The following KCNK2 variants were observed in gnomAD, a reference collection of about 807,000 sequenced individuals.
The protein encoded by KCNK2 is potassium two pore domain channel subfamily K member 2, also known as potassium channel subfamily K member 2.
A neutral mutation model predicts 40.5 loss-of-function variants in KCNK2; 21 were observed. The observed-to-expected ratio is 0.52, with a 90% confidence interval of 0.37 to 0.75. The LOEUF is 0.75. Ranked by LOEUF, KCNK2 falls within the 30% of genes least tolerant of loss-of-function variation. The probability of loss-of-function intolerance (pLI) is 0.00; values close to 1 mark genes in which losing one functional copy is unlikely to be tolerated. For missense variants in KCNK2, 399 were observed against 531.6 expected (o/e 0.75, Z 2.45); for synonymous variants, 191 against 202.2 (o/e 0.94, Z 0.47).
At chr1:215,151,277 A>G (rs781765298) in intron 3 of KCNK2, among the ~76,000 whole-genome samples, 2 of 152,122 alleles carry the variant, frequency 1.3e-5, no homozygotes, top group African/African-American at 2.4e-5. Context: ...AGGCCCTTCC[A>G]ATCTCATTGA....
intron 1 of KCNK2, among the ~76,000 whole-genome samples, chr1:215,017,106 A>G (rs967594775): frequency 6.6e-6 from 1 of 152,120 alleles, no homozygotes; most frequent in Non-Finnish European, 1.5e-5. Flanking sequence ...GTTGGTGAAG[A>G]TGTGAAGAAA....
intron 2 of KCNK2, among the ~76,000 whole-genome samples, chr1:215,105,478 C>T (rs959584786): frequency 2.6e-5 from 4 of 152,054 alleles, no homozygotes; most frequent in South Asian, 2.1e-4. Flanking sequence ...ATTCATCCAT[C>T]GATGGACATT....
intron 3 of KCNK2, among the ~76,000 whole-genome samples, chr1:215,131,546 T>C (rs1661683622): frequency 6.8e-6 from 1 of 147,820 alleles, no homozygotes; most frequent in Admixed American, 6.8e-5. Context: ...TAGTTATATG[T>C]TAATATAATT....
At chr1:215,162,538 G>A (rs1430228667) in intron 3 of KCNK2, among the ~76,000 whole-genome samples, 1 of 152,058 alleles carries the variant, frequency 6.6e-6, no homozygotes, top group East Asian at 1.9e-4. Context: ...TTCTTCTAGG[G>A]TTTTTATGGT....
chr1:215,018,239 T>A (rs1164686478), intron 1 of KCNK2, among the ~76,000 whole-genome samples: 1 of 152,200 alleles, frequency 6.6e-6, no homozygotes. Context: ...ATCTTTAGCA[T>A]CAAAGTTGTG....
At chr1:215,094,288 A>G (rs1204157797) in intron 2 of KCNK2, among the ~76,000 whole-genome samples, 1 of 152,056 alleles carries the variant, frequency 6.6e-6, no homozygotes. Context: ...CAAAATGTCT[A>G]AACATCCCAT....
At chr1:215,134,680 G>A (rs958060095) in intron 3 of KCNK2, among the ~76,000 whole-genome samples, 3 of 152,064 alleles carry the variant, frequency 2.0e-5, no homozygotes, top group East Asian at 3.9e-4. Flanking sequence ...GTGACCAGCC[G>A]CCATCCTGAA....
chr1:215,084,539 G>A (rs971927744), intron 1 of KCNK2, among the ~76,000 whole-genome samples: 1 of 152,212 alleles, frequency 6.6e-6, no homozygotes, highest in African/African-American at 2.4e-5. Flanking sequence ...CAGCTAGGAG[G>A]TTGTGGGGAG....
At chr1:215,089,110 C>A (rs1318730418) in intron 2 of KCNK2, among the ~76,000 whole-genome samples, 2 of 152,158 alleles carry the variant, frequency 1.3e-5, no homozygotes, top group Admixed American at 1.3e-4. Flanking sequence ...ACACTTCCTT[C>A]ATATGATTCT....
At position 215,005,956 on chromosome 1, in the gene KCNK2, G is replaced by A. The variant is rs1187182198; in HGVS notation, c.34+1G>A. ...CCACGAGCAAAAAGGGATTTCTACTGTGAGTATCTTTGCAATAATCAAGTA... is the reference window on the plus strand; with the variant it reads ...CCACGAGCAAAAAGGGATTTCTACTATGAGTATCTTTGCAATAATCAAGTA... On this transcript the variant is annotated splice_donor_variant, in intron 1 of 6. Transcript: ENST00000391895. LOFTEE classifies it high-confidence loss of function. 5 of 1,611,778 alleles carry A rather than the reference G, an allele frequency of 3.1e-6. No homozygotes were observed. Among genetic ancestry groups the A allele is most frequent in the Non-Finnish European group, 4.2e-6 (5 of 1,178,078 alleles).
intron 3 of KCNK2, among the ~76,000 whole-genome samples, chr1:215,129,516 T>G (rs1661575087): frequency 6.6e-6 from 1 of 152,086 alleles, no homozygotes. Flanking sequence ...AGAGGCTGAT[T>G]CAAGAACTCT....
At chr1:215,137,752 A>G (rs998023529) in intron 3 of KCNK2, among the ~76,000 whole-genome samples, 10 of 152,224 alleles carry the variant, frequency 6.6e-5, no homozygotes, top group Non-Finnish European at 1.2e-4. Flanking sequence ...TCAAAAGGAT[A>G]ATGTATTTAA....
chr1:215,214,414 A>T (rs1253174463), intron 6 of KCNK2, among the ~76,000 whole-genome samples: 1 of 152,186 alleles, frequency 6.6e-6, no homozygotes, highest in Non-Finnish European at 1.5e-5. Flanking sequence ...AACACTGGAA[A>T]TTACAATTTG....
chr1:215,097,683 G>C (rs1486990831), intron 2 of KCNK2, among the ~76,000 whole-genome samples: 1 of 151,934 alleles, frequency 6.6e-6, no homozygotes, highest in East Asian at 1.9e-4. Context: ...ATATTTGGTT[G>C]GGATTGTGAA....
At chr1:215,135,796 G>A (rs1661879590) in intron 3 of KCNK2, among the ~76,000 whole-genome samples, 2 of 152,034 alleles carry the variant, frequency 1.3e-5, no homozygotes, top group Non-Finnish European at 1.5e-5. Context: ...GCACAGTGGC[G>A]TGATCTCGGC....
intron 1 of KCNK2, among the ~76,000 whole-genome samples, chr1:215,007,177 GTGTGTGGGTATATA>G (rs1656196340): frequency 4.9e-5 from 4 of 81,168 alleles, no homozygotes; most frequent in Admixed American, 4.6e-4. Flanking sequence ...ATATATGTAT[GTGTGTGGGTATATA>G]TATATATATA....
chr1:215,017,072 C>T (rs1193310255), intron 1 of KCNK2, among the ~76,000 whole-genome samples: 1 of 151,826 alleles, frequency 6.6e-6, no homozygotes, highest in Non-Finnish European at 1.5e-5. Flanking sequence ...TGGCTATTAT[C>T]AAAAAAGATG....
chr1:215,124,537 TC>T, intron 2 of KCNK2, 95 bp from the exon 3 acceptor site: 1 of 781,392 alleles, frequency 1.3e-6, no homozygotes, highest in Non-Finnish European at 2.3e-6. Context: ...GAGTTGATTC[TC>T]TTTGTCAAAT....
chr1:215,022,632 C>T (rs766864331), intron 1 of KCNK2, among the ~76,000 whole-genome samples: 1 of 152,128 alleles, frequency 6.6e-6, no homozygotes, highest in East Asian at 1.9e-4. Context: ...TTCCAGGTCA[C>T]GGGCTCCATT....
Sources: gnomAD v4.1 joint callset for allele counts (sites outside exome capture counted in the v4.1 genomes callset) on GRCh38, gnomAD v4.1.1 for gene constraint, MANE v1.5 for transcripts, NCBI Gene and HGNC (gene_info 2026-07-23, HGNC 2026-07-21) for gene names.